Variants in TOP1MT observed in about 807,000 individuals in gnomAD.
The protein encoded by TOP1MT is DNA topoisomerase I mitochondrial, also known as DNA topoisomerase I, mitochondrial.
In TOP1MT, 80 loss-of-function variants were observed where a neutral mutation model predicts 73.9. The observed-to-expected ratio is 1.08, with a 90% CI of 0.90 to 1.30. TOP1MT has a LOEUF of 1.30. Ranked by LOEUF, TOP1MT falls within the 50% of genes most tolerant of loss-of-function variation. The probability of loss-of-function intolerance (pLI) is 0.00; values close to 1 mark genes in which losing one functional copy is unlikely to be tolerated. For missense variants in TOP1MT, 815 were observed against 808.0 expected, an observed-to-expected ratio of 1.01 and a Z score of -0.10; for synonymous variants, 338 against 326.4, an observed-to-expected ratio of 1.04 and a Z score of -0.38.
At chr8:143,338,962 AG>A (rs963178179), upstream of TOP1MT, among the ~76,000 whole-genome samples, 1 of 152,226 alleles carries the variant, frequency 6.6e-6, no homozygotes, top group Non-Finnish European at 1.5e-5. Flanking sequence ...TCCTCACAGC[AG>A]GTAGGAGGAC....
In TOP1MT at chr8:143,326,585, G is replaced by A. The variant is rs77346116; in HGVS notation, c.361-241C>T. Among the ~76,000 whole-genome samples the A allele has an allele frequency of 2.9e-3, 444 of 152,322 alleles. 2 individuals carry two copies. The highest frequency in any genetic ancestry group is 0.01 in the African/African-American group (421 of 41,566). On this transcript the variant is annotated intron_variant, in intron 3 of 13. Coordinates refer to ENST00000329245, the MANE Select transcript of TOP1MT (RefSeq NM_052963.3). ...GTTGGGTGGGGCAGCGGAGGGCACAGTTCTCCAAAAGCAACTTCACAACAA... is the reference window on the plus strand; with the variant it reads ...GTTGGGTGGGGCAGCGGAGGGCACAATTCTCCAAAAGCAACTTCACAACAA...
At chr8:143,310,738 G>C (rs905403624) in intron 12 of TOP1MT, among the ~76,000 whole-genome samples, 1 of 152,232 alleles carries the variant, frequency 6.6e-6, no homozygotes, top group Non-Finnish European at 1.5e-5. Context: ...AATGTGCGTG[G>C]AAAGACAAAC....
chr8:143,341,069 C>T lies in TOP1MT; in HGVS notation c.29+2151G>A, dbSNP rs189194723. ...AGAGCGCGCTCCTCCCCAGCTCCCA[C>T]GGCGGCCCCTGCACTCTTCCGCTCC... On this transcript the variant is annotated intron_variant, in intron 2 of 5. Transcript: ENST00000518007. The surrounding 1 kb of genome is among the most constrained non-coding windows in gnomAD (Gnocchi z 4.1). Among the ~76,000 whole-genome samples the T allele has an allele frequency of 9.8e-5, 15 of 152,294 alleles. No individual in the cohort carries two copies. The East Asian group carries it at 1.4e-3, about 14-fold the overall frequency.
intron 12 of TOP1MT, among the ~76,000 whole-genome samples, chr8:143,313,507 G>T (rs1487044957): frequency 7.2e-6 from 1 of 139,038 alleles, no homozygotes; most frequent in Admixed American, 8.3e-5. Context: ...CCAAGATCAC[G>T]CCACTGCACT....
Position 143,318,489 on chromosome 8 carries a change from C to T in TOP1MT, c.1147-403G>A, listed in dbSNP as rs563448973. On this transcript the variant is annotated intron_variant, in intron 8 of 13. Transcript: ENST00000329245. The stretch of plus-strand genomic sequence containing the variant: ...GGGGTTCCTGTGTCCAACCTCCCTC[C>T]ACCAGTCCCTTTGGGGAGAGGACAT... Among the ~76,000 whole-genome samples, 116 of 152,358 alleles carry T rather than the reference C, an allele frequency of 7.6e-4. 1 individual carries two copies. Among genetic ancestry groups the T allele is most frequent in the Non-Finnish European group, 1.5e-3 (104 of 68,022 alleles).
chr8:143,316,113 T>C lies in TOP1MT; in HGVS notation c.1344A>G (p.Ile448Met). The C allele has an allele frequency of 1.9e-6, 3 of 1,614,146 alleles. No homozygotes were observed. The change falls in exon 11 of 14, where the codon ATA becomes ATG. Residue 448 changes from isoleucine to methionine, a missense_variant. By Grantham distance (10) the Ile-to-Met change is conservative. This residue lies in a region of TOP1MT where 751 missense variants were observed against 725.4 expected (regional missense o/e 1.04). Coordinates refer to ENST00000329245, the MANE Select transcript of TOP1MT (RefSeq NM_052963.3). ...GGTTGTAGGATAAGATCTTAGCTGCTATGCTGTCCTCGGCTGAGAGGCACG... is the reference window on the plus strand; with the variant it reads ...GGTTGTAGGATAAGATCTTAGCTGCCATGCTGTCCTCGGCTGAGAGGCACG... Reference protein sequence around the residue: ...LRALTRAEDSIAAKILSYNRA... With the variant: ...LRALTRAEDSMAAKILSYNRA...
intron 1 of TOP1MT, among the ~76,000 whole-genome samples, chr8:143,353,409 C>T (rs1817352836): frequency 6.8e-6 from 1 of 147,748 alleles, no homozygotes; most frequent in African/African-American, 2.6e-5. Context: ...AAGTGAGACC[C>T]TGTCTCTTTA....
chr8:143,331,419 C>T, intron 1 of TOP1MT, 80 bp from the exon 2 acceptor site: 1 of 1,217,120 alleles, frequency 8.2e-7, no homozygotes, highest in Non-Finnish European at 1.2e-6. Context: ...AGTGGCTCCT[C>T]CCTGTGGCTC....
At position 143,344,486 on chromosome 8, in the gene TOP1MT, C is replaced by T. The variant is rs937150891; in HGVS notation, c.-39+430G>A. The stretch of plus-strand genomic sequence containing the variant: ...AGCAGCAGCTGGTCCTCCAGGTCTC[C>T]GTGACTCCCCCAGCCCCATGCCCAC... On this transcript the variant is annotated intron_variant, in intron 1 of 5. Transcript: ENST00000518007. The surrounding 1 kb of genome is among the most constrained non-coding windows in gnomAD (Gnocchi z 4.6). The T allele has an allele frequency of 2.0e-5, 3 of 152,566 alleles. No individual in the cohort carries two copies. The highest frequency in any genetic ancestry group is 7.2e-5 in the African/African-American group (3 of 41,424). 9.5% of individuals were successfully genotyped at this position (152,566 alleles called of 1,614,324 possible).
In TOP1MT at chr8:143,317,776, C is replaced by T. The variant is rs770979885; in HGVS notation, c.1277G>A (p.Arg426Gln). ...LMDGLTAKVF[R>Q]TYNASITLQE... Reference sequence around the variant, plus strand: ...CAGAGTGATGGAGGCGTTGTAGGTCCGGAACACCTTGGCCGTCAGCCCGTC... The same window carrying T: ...CAGAGTGATGGAGGCGTTGTAGGTCTGGAACACCTTGGCCGTCAGCCCGTC... The change falls in exon 10 of 14, where the codon CGG becomes CAG. Residue 426 changes from arginine (R) to glutamine (Q), a missense_variant. This residue lies in a region of TOP1MT where 751 missense variants were observed against 725.4 expected (regional missense o/e 1.04). Coordinates refer to ENST00000329245, the MANE Select transcript of TOP1MT (RefSeq NM_052963.3). 1.2e-5 allele frequency: 20 copies of T among 1,614,060 alleles called. No individual in the cohort carries two copies. The highest frequency in any genetic ancestry group is 1.1e-4 in the East Asian group (5 of 44,896).
Position 143,325,332 on chromosome 8 carries a change from GC to G in TOP1MT, c.671+13del. ...GGGGTCCAGTGCCCGCCTGCTGCCC[GC>G]CCGGCCACGCACCTGCTGCAGTTGA... is the stretch of plus-strand genomic sequence containing the variant. On this transcript the variant is annotated intron_variant, in intron 5 of 13. Coordinates refer to ENST00000329245, the MANE Select transcript of TOP1MT (RefSeq NM_052963.3). 1 of 1,576,294 alleles carries G rather than the reference GC, an allele frequency of 6.3e-7. No homozygotes were observed.
At position 143,321,590 on chromosome 8, in the gene TOP1MT, C is replaced by T. The variant is rs1287564729; in HGVS notation, c.961-204G>A. On this transcript the variant is annotated intron_variant, in intron 7 of 13. Transcript: ENST00000329245. ...ACGCACGCCACACAGGCACGCCACA[C>T]GCACGCACGCCACACGCACGCACGC... Among the ~76,000 whole-genome samples the T allele has an allele frequency of 7.8e-5, 4 of 51,018 alleles. No homozygotes were observed. In the East Asian group the frequency reaches 1.0e-3, roughly 13 times the overall value. 33.5% of individuals were successfully genotyped at this position (51,018 alleles called of 152,430 possible).
At chr8:143,339,672 G>A (rs897243130), upstream of TOP1MT, among the ~76,000 whole-genome samples, 2 of 152,158 alleles carry the variant, frequency 1.3e-5, no homozygotes, top group Non-Finnish European at 2.9e-5. Flanking sequence ...GGCCAGCACT[G>A]TAGCATTCCC....
intron 2 of TOP1MT, among the ~76,000 whole-genome samples, chr8:143,330,254 C>T (rs1046197051): frequency 6.6e-6 from 1 of 152,218 alleles, no homozygotes; most frequent in African/African-American, 2.4e-5. Flanking sequence ...CACCACTCCC[C>T]GGACTGTCCA....
intron 5 of TOP1MT, 52 bp from the exon 6 acceptor site, chr8:143,324,681 T>A: frequency 6.3e-7 from 1 of 1,590,688 alleles, no homozygotes; most frequent in Non-Finnish European, 8.6e-7. Flanking sequence ...TTCTCTGGAA[T>A]GCAAGCAAAA....
chr8:143,323,383 T>C (rs1219241373), intron 7 of TOP1MT, among the ~76,000 whole-genome samples: 26 of 52,676 alleles, frequency 4.9e-4, no homozygotes, highest in Non-Finnish European at 5.7e-4. Flanking sequence ...CACAGATGCA[T>C]GCCACACACA....
In TOP1MT at chr8:143,329,220, C is replaced by T. The variant is rs571598734; in HGVS notation, c.360+130G>A. On this transcript the variant is annotated intron_variant, in intron 3 of 13. Transcript: ENST00000329245. The stretch of plus-strand genomic sequence containing the variant: ...AGCTCGAAGCTGCAAAGAGCCATGA[C>T]GGCACCTGTGAGTGGTCACACAGGG... The T allele has an allele frequency of 2.6e-4, 263 of 1,029,584 alleles. 3 individuals are homozygous for T. Among genetic ancestry groups the T allele is most frequent in the South Asian group, 2.0e-3 (119 of 58,994 alleles). 63.8% of individuals were successfully genotyped at this position (1,029,584 alleles called of 1,614,324 possible).
In TOP1MT at chr8:143,317,844, A is replaced by C. The variant is rs1189368324; in HGVS notation, c.1216-7T>G. 1.2e-6 allele frequency: 2 copies of C among 1,613,684 alleles called. No individual in the cohort carries two copies. The highest frequency in any genetic ancestry group is 3.3e-5 in the Admixed American group (2 of 59,978). ...GCTTGTTCAGGCTGGTCGTCTGGGG[A>C]GGAAAATGGTCTCTATAATTACGTG... On this transcript the variant is annotated splice_region_variant and splice_polypyrimidine_tract_variant and intron_variant, in intron 9 of 13. Transcript: ENST00000329245.
chr8:143,356,256 C>T (rs1817404912), upstream of TOP1MT, among the ~76,000 whole-genome samples: 1 of 152,160 alleles, frequency 6.6e-6, no homozygotes, highest in Non-Finnish European at 1.5e-5. Flanking sequence ...TGGCAGCAGC[C>T]GTCAAAGGAT....
Sources: allele counts gnomAD v4.1 joint callset (sites outside exome capture counted in the v4.1 genomes callset), GRCh38; gene constraint gnomAD v4.1.1; regional missense constraint gnomAD v4.1.1; non-coding constraint Gnocchi (gnomAD v3.1); transcripts MANE v1.5; gene names NCBI Gene and HGNC (gene_info 2026-07-23, HGNC 2026-07-21).